Variants in CMTM4 observed in about 807,000 individuals in gnomAD.
CMTM4 encodes the protein CKLF-like MARVEL transmembrane domain-containing protein 4.
CMTM4 carries 8 observed loss-of-function variants against 19.0 expected under a neutral mutation model. The ratio of observed to expected loss-of-function variants is 0.42; its 90% CI spans 0.25 to 0.76. The LOEUF is 0.76. CMTM4 is among the 30% of genes least tolerant of loss of function. CMTM4 has a pLI of 0.27. For synonymous variants in CMTM4, 106 were observed against 121.1 expected (o/e 0.88, Z 0.82); for missense variants, 228 against 290.2 (o/e 0.79, Z 1.56).
intron 1 of CMTM4, among the ~76,000 whole-genome samples, chr16:66,656,462 C>G (rs1267233693): frequency 6.6e-6 from 1 of 152,104 alleles, no homozygotes; most frequent in African/African-American, 2.4e-5. Context: ...CTCTCAGTCT[C>G]AAAACATCTT....
the CMTM4 span, among the ~76,000 whole-genome samples, chr16:66,601,327 G>A: frequency 1.3e-5 from 2 of 152,206 alleles, no homozygotes; most frequent in East Asian, 3.8e-4. Flanking sequence ...GCTCAGAGGA[G>A]ACTGACAGTG....
intron 1 of CMTM4, among the ~76,000 whole-genome samples, chr16:66,644,785 G>C (rs2016160325): frequency 6.6e-6 from 1 of 152,046 alleles, no homozygotes; most frequent in African/African-American, 2.4e-5. Context: ...GCGGGGGAGG[G>C]GAATGACCAA....
the CMTM4 span, chr16:66,604,161 G>A: frequency 2.6e-5 from 4 of 152,876 alleles, no homozygotes; most frequent in Admixed American, 1.3e-4. Context: ...GTCTGTGTGT[G>A]TGCCTGGAGC....
chr16:66,660,218 T>G (rs993914186), intron 1 of CMTM4, among the ~76,000 whole-genome samples: 4 of 151,898 alleles, frequency 2.6e-5, no homozygotes, highest in African/African-American at 4.8e-5. Context: ...TGAGACTCCA[T>G]CTCTACAAAA....
chr16:66,668,979 C>T (rs1260222832), intron 1 of CMTM4, among the ~76,000 whole-genome samples: 1 of 152,134 alleles, frequency 6.6e-6, no homozygotes, highest in Admixed American at 6.5e-5. Flanking sequence ...CAATTTCACT[C>T]CTGGGTATTA....
intron 1 of CMTM4, among the ~76,000 whole-genome samples, chr16:66,675,972 G>A (rs980480833): frequency 2.6e-5 from 4 of 151,394 alleles, no homozygotes; most frequent in Admixed American, 6.6e-5. Flanking sequence ...TACTCTTCCC[G>A]CCTCTGCCAC....
At chr16:66,604,973 G>C in the CMTM4 span, 3 of 1,473,404 alleles carry the variant, frequency 2.0e-6, no homozygotes, top group Non-Finnish European at 2.7e-6. Context: ...CGGGACCCTC[G>C]GCCGCCCCGC....
In CMTM4 at chr16:66,621,024, G is replaced by A. The variant is rs1300824773; in HGVS notation, c.*1034C>T. The A allele has an allele frequency of 1.1e-5, 11 of 985,772 alleles. No homozygotes were observed. Among genetic ancestry groups the A allele is most frequent in the Non-Finnish European group, 1.3e-5 (11 of 829,950 alleles). 61.1% of individuals were successfully genotyped at this position (985,772 alleles called of 1,614,324 possible). ...ACAATTAGTGCCTTCTGAAACATGG[G>A]TGGAAGGGTGTGTTCTGGTGCAAAT... On this transcript the variant is annotated 3_prime_UTR_variant, in exon 4 of 4. Coordinates refer to ENST00000394106, the MANE Select transcript of CMTM4 (RefSeq NM_181521.3).
the CMTM4 span, chr16:66,609,595 A>G: frequency 1.3e-5 from 20 of 1,528,222 alleles, no homozygotes; most frequent in Non-Finnish European, 1.8e-5. This position sits in a 1 kb window ranked among gnomAD's most constrained non-coding sequence, Gnocchi z 4.4. Flanking sequence ...TTAGGGTGGG[A>G]CCTGGGGCAG....
intron 1 of CMTM4, among the ~76,000 whole-genome samples, chr16:66,665,998 G>A (rs1030171890): frequency 1.3e-4 from 19 of 151,936 alleles, no homozygotes; most frequent in African/African-American, 4.4e-4. Flanking sequence ...CTTGAACCCA[G>A]GAAACGGAGG....
intron 1 of CMTM4, among the ~76,000 whole-genome samples, chr16:66,692,338 C>T (rs1460421242): frequency 6.6e-6 from 1 of 152,080 alleles, no homozygotes; most frequent in Non-Finnish European, 1.5e-5. Flanking sequence ...GATCCAGCCA[C>T]CTCGGACTCC....
At position 66,619,489 on chromosome 16, in the gene CMTM4, A is replaced by AT; in HGVS notation, c.*2568dup. On this transcript the variant is annotated 3_prime_UTR_variant, in exon 4 of 4. Transcript: ENST00000394106. The stretch of plus-strand genomic sequence containing the variant: ...TTCAAATGCCCCAAACCAAACTGAT[A>AT]TTGGTCCCTATTGAAACTATTAAAC... The AT allele has an allele frequency of 1.0e-6, 1 of 985,448 alleles. No individual in the cohort carries two copies. Among genetic ancestry groups the AT allele is most frequent in the Non-Finnish European group, 1.2e-6 (1 of 829,948 alleles). 61.0% of individuals were successfully genotyped at this position (985,448 alleles called of 1,614,324 possible).
At chr16:66,648,694 G>A (rs757334659) in intron 1 of CMTM4, among the ~76,000 whole-genome samples, 7 of 151,032 alleles carry the variant, frequency 4.6e-5, no homozygotes, top group East Asian at 3.9e-4. Context: ...CCCCCAGGCC[G>A]AGCACGGTGG....
chr16:66,600,966 T>C, the CMTM4 span, among the ~76,000 whole-genome samples: 4 of 152,008 alleles, frequency 2.6e-5, no homozygotes, highest in Admixed American at 1.3e-4. Context: ...GGAGGGACCA[T>C]AGTTTGTTCC....
intron 1 of CMTM4, among the ~76,000 whole-genome samples, chr16:66,648,553 G>A (rs1014956952): frequency 6.6e-6 from 1 of 151,682 alleles, no homozygotes; most frequent in African/African-American, 2.4e-5. Flanking sequence ...AGCTACTCAG[G>A]AGGCTGAGAC....
intron 1 of CMTM4, among the ~76,000 whole-genome samples, chr16:66,638,393 C>T (rs1214453851): frequency 6.6e-6 from 1 of 152,250 alleles, no homozygotes; most frequent in Non-Finnish European, 1.5e-5. Flanking sequence ...TACTTCTACA[C>T]AGAACCTCTT....
At chr16:66,613,010 TG>T, downstream of CMTM4, 1 of 702,092 alleles carries the variant, frequency 1.4e-6, no homozygotes, top group Non-Finnish European at 2.6e-6. Flanking sequence ...GGGGGTCTTC[TG>T]TTTCACTAAC....
chr16:66,687,364 C>T (rs1399287766), intron 1 of CMTM4, among the ~76,000 whole-genome samples: 1 of 152,074 alleles, frequency 6.6e-6, no homozygotes, highest in Non-Finnish European at 1.5e-5. Flanking sequence ...AAGGTACTTG[C>T]ATGTGGTACA....
intron 1 of CMTM4, among the ~76,000 whole-genome samples, chr16:66,681,650 A>G (rs1457249260): frequency 6.6e-6 from 1 of 152,108 alleles, no homozygotes; most frequent in Non-Finnish European, 1.5e-5. Context: ...GTATTTATGC[A>G]TATCTCAATT....
Sources: gnomAD v4.1 joint callset for allele counts (sites outside exome capture counted in the v4.1 genomes callset) on GRCh38, gnomAD v4.1.1 for gene constraint, Gnocchi (gnomAD v3.1) non-coding constraint, MANE v1.5 for transcripts, NCBI Gene and HGNC (gene_info 2026-07-23, HGNC 2026-07-21) for gene names.